Variants in CADPS observed in about 807,000 individuals in gnomAD.
CADPS encodes the protein calcium dependent secretion activator, also known as calcium-dependent secretion activator 1.
In CADPS, 57 loss-of-function variants were observed where a neutral mutation model predicts 167.3. The observed-to-expected ratio is 0.34, with a 90% CI of 0.28 to 0.42. CADPS has a LOEUF of 0.42. Among genes scored for constraint, CADPS ranks in the 20% least tolerant of loss-of-function variants. The pLI is 1.00. For missense variants in CADPS, 1,414 were observed against 1,738.1 expected (o/e 0.81, Z 3.32); for synonymous variants, 676 against 635.3 (o/e 1.06, Z -0.96).
chr3:62,833,800 G>A (rs960899607), intron 1 of CADPS, among the ~76,000 whole-genome samples: 2 of 152,022 alleles, frequency 1.3e-5, no homozygotes, highest in African/African-American at 4.8e-5. Context: ...ATCTTTATCT[G>A]TTTATCTGCT....
chr3:62,555,270 T>C (rs2077950132), intron 10 of CADPS, among the ~76,000 whole-genome samples: 1 of 152,214 alleles, frequency 6.6e-6, no homozygotes, highest in South Asian at 2.1e-4. Flanking sequence ...TTATATCCCA[T>C]GGGATCGATG....
intron 3 of CADPS, among the ~76,000 whole-genome samples, chr3:62,731,821 A>AAAAAAAAAAG (rs2077911880): frequency 1.1e-5 from 1 of 88,058 alleles, no homozygotes; most frequent in Admixed American, 1.0e-4. Flanking sequence ...AAAAAAAAAA[A>AAAAAAAAAAG]AAAAAAAAAG....
chr3:62,450,115 G>A (rs1052199158), intron 26 of CADPS, among the ~76,000 whole-genome samples: 1 of 152,090 alleles, frequency 6.6e-6, no homozygotes, highest in African/African-American at 2.4e-5. Flanking sequence ...TCTGGCCCAC[G>A]GGCAATTTCT....
At chr3:62,521,180 C>T (rs947265940) in intron 13 of CADPS, among the ~76,000 whole-genome samples, 10 of 152,086 alleles carry the variant, frequency 6.6e-5, no homozygotes, top group African/African-American at 2.4e-4. Context: ...GCTGCTAGTG[C>T]TGCTGGTTCG....
chr3:62,621,377 G>T (rs2063145536), intron 6 of CADPS, among the ~76,000 whole-genome samples: 1 of 151,998 alleles, frequency 6.6e-6, no homozygotes, highest in African/African-American at 2.4e-5. Flanking sequence ...AATGTTTAGT[G>T]GGTTGGCAGA....
At chr3:62,535,698 G>C (rs1052170466) in intron 12 of CADPS, among the ~76,000 whole-genome samples, 1 of 152,010 alleles carries the variant, frequency 6.6e-6, no homozygotes, top group African/African-American at 2.4e-5. Flanking sequence ...GCTTGAGGAA[G>C]AAGTAAATTG....
intron 1 of CADPS, among the ~76,000 whole-genome samples, chr3:62,865,621 T>C (rs904302368): frequency 6.6e-6 from 1 of 152,058 alleles, no homozygotes; most frequent in Non-Finnish European, 1.5e-5. Flanking sequence ...TTTTCCCACT[T>C]GTTAAAATAA....
intron 19 of CADPS, among the ~76,000 whole-genome samples, chr3:62,492,931 G>A (rs1561197302): frequency 1.3e-5 from 2 of 151,696 alleles, no homozygotes; most frequent in South Asian, 4.2e-4. Context: ...AAGAACTCAT[G>A]TTTCCCTACA....
At chr3:62,498,715 A>G (rs2065211959) in intron 18 of CADPS, among the ~76,000 whole-genome samples, 1 of 151,564 alleles carries the variant, frequency 6.6e-6, no homozygotes, top group African/African-American at 2.4e-5. Context: ...TCTAAGATGA[A>G]AAAAAAAATG....
At chr3:62,541,019 G>C (rs1162762053) in intron 11 of CADPS, among the ~76,000 whole-genome samples, 2 of 152,138 alleles carry the variant, frequency 1.3e-5, no homozygotes, top group Non-Finnish European at 2.9e-5. Context: ...GAATGAAAAT[G>C]AATTTGAACA....
chr3:62,655,851 A>G (rs1429479888), intron 4 of CADPS, among the ~76,000 whole-genome samples: 1 of 152,278 alleles, frequency 6.6e-6, no homozygotes. Context: ...TATGGCTGTC[A>G]CTGGAGATGA....
intron 1 of CADPS, among the ~76,000 whole-genome samples, chr3:62,784,761 C>A (rs501867): frequency 0.09 from 5,461 of 60,740 alleles, 181 homozygotes; most frequent in African/African-American, 0.17. Context: ...CAAGCAAAAA[C>A]AAAAAAAAAA....
chr3:62,693,095 G>A (rs1370411074), intron 3 of CADPS, among the ~76,000 whole-genome samples: 2 of 151,830 alleles, frequency 1.3e-5, no homozygotes, highest in African/African-American at 4.8e-5. Context: ...CCTCTCTCAG[G>A]AACATTCGGT....
chr3:62,483,430 T>C (rs980632421), intron 21 of CADPS, among the ~76,000 whole-genome samples: 1 of 151,934 alleles, frequency 6.6e-6, no homozygotes, highest in Non-Finnish European at 1.5e-5. Context: ...ACCTTGAAGA[T>C]CACCTGGATA....
intron 1 of CADPS, among the ~76,000 whole-genome samples, chr3:62,862,937 A>G (rs2081067546): frequency 6.6e-6 from 1 of 152,208 alleles, no homozygotes; most frequent in South Asian, 2.1e-4. Flanking sequence ...AGGAATTTAT[A>G]ACTCGTCTCA....
chr3:62,498,082 G>C (rs2065111987), intron 18 of CADPS: 1 of 456,166 alleles, frequency 2.2e-6, no homozygotes, highest in Admixed American at 2.4e-5. Flanking sequence ...AGAAGACATG[G>C]TACTGGAAGG....
At chr3:62,694,936 C>G (rs35354258) in intron 3 of CADPS, among the ~76,000 whole-genome samples, 38 of 152,072 alleles carry the variant, frequency 2.5e-4, no homozygotes, top group Admixed American at 7.2e-4. Flanking sequence ...ACAGAATTCA[C>G]GGGCCCAGCA....
chr3:62,602,732 C>G lies in CADPS; in HGVS notation c.1326-9984G>C, dbSNP rs1230016971. Among the ~76,000 whole-genome samples the G allele has an allele frequency of 6.6e-6, 1 of 152,088 alleles. No individual in the cohort carries two copies. The highest frequency in any genetic ancestry group is 1.5e-5 in the Non-Finnish European group (1 of 68,020). ...AGGCAGAGATGAAGGCTTTGGTTTGCCTCCTTGACATTTCCACTGGAACGT... is the reference window on the plus strand; with the variant it reads ...AGGCAGAGATGAAGGCTTTGGTTTGGCTCCTTGACATTTCCACTGGAACGT... On this transcript the variant is annotated intron_variant, in intron 6 of 29. Transcript: ENST00000383710. The surrounding 1 kb of genome is among the most constrained non-coding windows in gnomAD (Gnocchi z 4.4).
At chr3:62,411,357 G>GA (rs1404421143) in intron 28 of CADPS, among the ~76,000 whole-genome samples, 1 of 152,086 alleles carries the variant, frequency 6.6e-6, no homozygotes, top group African/African-American at 2.4e-5. Context: ...TGTTGGCAAG[G>GA]AGTCAAAGAG....
Sources: allele counts gnomAD v4.1 joint callset (sites outside exome capture counted in the v4.1 genomes callset), GRCh38; gene constraint gnomAD v4.1.1; non-coding constraint Gnocchi (gnomAD v3.1); transcripts MANE v1.5; gene names NCBI Gene and HGNC (gene_info 2026-07-23, HGNC 2026-07-21).